The following SLC44A5 variants were observed in gnomAD, a reference collection of about 807,000 sequenced individuals.
SLC44A5 encodes choline transporter-like protein 5.
SLC44A5 carries 57 observed loss-of-function variants against 101.8 expected under a neutral mutation model. The observed-to-expected ratio is 0.56, with a 90% confidence interval of 0.45 to 0.70. SLC44A5 has a LOEUF of 0.70. Among genes scored for constraint, SLC44A5 ranks in the 30% least tolerant of loss-of-function variants. The pLI is 0.00. For missense variants in SLC44A5, 737 were observed against 853.1 expected (o/e 0.86, Z 1.70); for synonymous variants, 281 against 290.9 (o/e 0.97, Z 0.35).
intron 4 of SLC44A5, among the ~76,000 whole-genome samples, chr1:75,326,378 A>G (rs1656601695): frequency 6.6e-6 from 1 of 151,978 alleles, no homozygotes; most frequent in Non-Finnish European, 1.5e-5. Context: ...TATCTTTAAA[A>G]TATAACTGGG....
chr1:75,218,626 G>C lies in SLC44A5; in HGVS notation c.1393C>G (p.Leu465Val). ...GCAATGACGAAGTTTATAAGCCAGA[G>C]AAAGACAAATAAGTTGTATACATGG... Reference protein sequence around the residue: ...TFHVYNLFVFLWLINFVIALG... With the variant: ...TFHVYNLFVFVWLINFVIALG... Residue 465 changes from leucine to valine, a missense_variant, in exon 17 of 24, where the codon CTC (leucine) becomes GTC (valine). Transcript: ENST00000370859. 6.2e-7 allele frequency: 1 copy of C among 1,613,856 alleles called. No individual in the cohort carries two copies. The highest frequency in any genetic ancestry group is 1.1e-5 in the South Asian group (1 of 91,080).
At chr1:75,246,334 T>C (rs1222625025) in intron 7 of SLC44A5, among the ~76,000 whole-genome samples, 1 of 152,098 alleles carries the variant, frequency 6.6e-6, no homozygotes, top group African/African-American at 2.4e-5. Flanking sequence ...ATAGGAATGA[T>C]AGATTTGTAG....
At chr1:75,648,123 A>T in the SLC44A5 span, among the ~76,000 whole-genome samples, 389 of 152,286 alleles carry the variant, frequency 2.6e-3, no homozygotes, top group Non-Finnish European at 3.9e-3. Flanking sequence ...CAATTAGATC[A>T]TGGGAACAAT....
chr1:75,340,706 A>G (rs1253210233), intron 3 of SLC44A5, among the ~76,000 whole-genome samples: 3 of 152,184 alleles, frequency 2.0e-5, no homozygotes, highest in Non-Finnish European at 4.4e-5. Context: ...GGCCAACTGG[A>G]TCTGGTTCAG....
intron 4 of SLC44A5, among the ~76,000 whole-genome samples, chr1:75,315,882 C>G (rs745612809): frequency 1.3e-5 from 2 of 152,144 alleles, no homozygotes; most frequent in Non-Finnish European, 2.9e-5. Flanking sequence ...CTCTTATCCT[C>G]CACATTTAGT....
chr1:75,549,455 A>T (rs1313481187), intron 1 of SLC44A5, among the ~76,000 whole-genome samples: 1 of 152,086 alleles, frequency 6.6e-6, no homozygotes. Context: ...CACCTCTATC[A>T]CGATGTATTG....
intron 12 of SLC44A5, 122 bp from the exon 13 acceptor site, chr1:75,227,979 C>T (rs1647259317): frequency 1.6e-6 from 1 of 639,812 alleles, no homozygotes; most frequent in African/African-American, 1.9e-5. Flanking sequence ...AAAGGCAAGA[C>T]ACATATTTAC....
intron 4 of SLC44A5, among the ~76,000 whole-genome samples, chr1:75,322,022 AT>A (rs1656189784): frequency 6.6e-6 from 1 of 152,120 alleles, no homozygotes; most frequent in Non-Finnish European, 1.5e-5. Flanking sequence ...CTTTAAAAGG[AT>A]TGTTTACAGG....
At chr1:75,469,900 GAAAAAAA>G (rs1171157547) in intron 2 of SLC44A5, among the ~76,000 whole-genome samples, 4,202 of 80,560 alleles carry the variant, frequency 0.052, 193 homozygotes, top group African/African-American at 0.15. Context: ...ACCTTGTGAA[GAAAAAAA>G]AAAAAAAAAA....
intron 2 of SLC44A5, among the ~76,000 whole-genome samples, chr1:75,410,166 G>A (rs887757318): frequency 1.3e-5 from 2 of 152,026 alleles, no homozygotes; most frequent in Admixed American, 6.6e-5. Flanking sequence ...GCCCATATTT[G>A]TATTAACTAC....
At chr1:75,683,500 A>G in the SLC44A5 span, among the ~76,000 whole-genome samples, 1 of 151,932 alleles carries the variant, frequency 6.6e-6, no homozygotes, top group South Asian at 2.1e-4. Context: ...GTAAACTATC[A>G]CAAGAACAAA....
chr1:75,511,002 G>A (rs999004764), intron 2 of SLC44A5, among the ~76,000 whole-genome samples: 20 of 152,182 alleles, frequency 1.3e-4, no homozygotes, highest in Non-Finnish European at 2.2e-4. Flanking sequence ...AATTAGCTGG[G>A]CGTGGTGGCA....
chr1:75,292,970 A>T (rs1045850824), intron 5 of SLC44A5, among the ~76,000 whole-genome samples: 4 of 152,228 alleles, frequency 2.6e-5, no homozygotes, highest in African/African-American at 9.6e-5. Flanking sequence ...TGGTTCAATC[A>T]TCTTTTTTCT....
intron 1 of SLC44A5, among the ~76,000 whole-genome samples, chr1:75,596,196 A>G (rs1557945691): frequency 9.7e-6 from 1 of 103,376 alleles, no homozygotes; most frequent in African/African-American, 3.7e-5. Context: ...AACATAGTAG[A>G]CACATGCACA....
intron 2 of SLC44A5, among the ~76,000 whole-genome samples, chr1:75,404,283 T>G (rs550103148): frequency 6.6e-6 from 1 of 152,270 alleles, no homozygotes; most frequent in Admixed American, 6.5e-5. Context: ...TTTCAGGCTA[T>G]TATCCAGGAG....
At chr1:75,325,236 G>A (rs557867020) in intron 4 of SLC44A5, among the ~76,000 whole-genome samples, 1 of 152,118 alleles carries the variant, frequency 6.6e-6, no homozygotes, top group Admixed American at 6.5e-5. Context: ...AGACAGAAGA[G>A]GGCACTGAGG....
chr1:75,295,612 G>A (rs753839039), intron 5 of SLC44A5, among the ~76,000 whole-genome samples: 16 of 152,192 alleles, frequency 1.1e-4, no homozygotes, highest in Non-Finnish European at 1.8e-4. Flanking sequence ...AAGCCAGTTT[G>A]GATGCAGCCA....
At chr1:75,610,174 CAT>C (rs1491020386) in intron 1 of SLC44A5, among the ~76,000 whole-genome samples, 30 of 146,482 alleles carry the variant, frequency 2.0e-4, no homozygotes, top group African/African-American at 5.3e-4. Flanking sequence ...CACACACACA[CAT>C]AGTGAAGTCT....
At chr1:75,227,428 T>C (rs1441514666) in intron 13 of SLC44A5, among the ~76,000 whole-genome samples, 2 of 152,128 alleles carry the variant, frequency 1.3e-5, no homozygotes, top group African/African-American at 4.8e-5. Context: ...ATTTGTTTCT[T>C]TTTAAACATC....
Sources: gnomAD v4.1 joint callset for allele counts (sites outside exome capture counted in the v4.1 genomes callset) on GRCh38, gnomAD v4.1.1 for gene constraint, MANE v1.5 for transcripts, NCBI Gene and HGNC (gene_info 2026-07-23, HGNC 2026-07-21) for gene names.